Variants in RAB23 observed in about 807,000 individuals in gnomAD.
The protein encoded by RAB23 is RAB23, member RAS oncogene family, also known as ras-related protein Rab-23.
Under a neutral mutation model 30.0 loss-of-function variants are expected in RAB23, and 15 were observed. The observed-to-expected ratio is 0.50, with a 90% CI of 0.33 to 0.77. The LOEUF is 0.77. RAB23 is among the 30% of genes least tolerant of loss of function. The probability of loss-of-function intolerance (pLI) is 0.02; values close to 1 mark genes in which losing one functional copy is unlikely to be tolerated. For missense variants in RAB23, 243 were observed against 275.4 expected (o/e 0.88, Z 0.83); for synonymous variants, 93 against 94.0 (o/e 0.99, Z 0.06).
chr6:57,200,034 C>T (rs996846751), intron 3 of RAB23, among the ~76,000 whole-genome samples: 1 of 151,960 alleles, frequency 6.6e-6, no homozygotes, highest in Non-Finnish European at 1.5e-5. Flanking sequence ...CCTTACCCTC[C>T]ACCCTTTTTT....
At chr6:57,198,223 C>T (rs1330736667) in intron 3 of RAB23, among the ~76,000 whole-genome samples, 1 of 152,164 alleles carries the variant, frequency 6.6e-6, no homozygotes, top group Non-Finnish European at 1.5e-5. Context: ...CTTATATTTA[C>T]TTGAGCTGTA....
chr6:57,217,634 A>G (rs1026591068), intron 1 of RAB23, among the ~76,000 whole-genome samples: 1 of 152,190 alleles, frequency 6.6e-6, no homozygotes, highest in Non-Finnish European at 1.5e-5. Context: ...AGAGCGCTAA[A>G]TGCTTACTTT....
intron 1 of RAB23, among the ~76,000 whole-genome samples, chr6:57,212,460 C>G (rs890850651): frequency 1.3e-5 from 2 of 152,144 alleles, no homozygotes; most frequent in Non-Finnish European, 2.9e-5. Flanking sequence ...CATCTTGATA[C>G]TTACTTCCTG....
At chr6:57,210,179 A>G (rs1316094692) in intron 2 of RAB23, 47 bp downstream of exon 2, 1 of 1,582,988 alleles carries the variant, frequency 6.3e-7, no homozygotes, top group Non-Finnish European at 8.7e-7. Flanking sequence ...AGTCTTGGAT[A>G]TAGTTCACAA....
rs1388740675 is a variant in RAB23, at chr6:57,205,754, T to C, written c.241+1874A>G. On this transcript the variant is annotated intron_variant, in intron 3 of 6. Transcript: ENST00000468148. ...GAAGTACAAGTGAGGAATCAGCAGATGATGCTGGACAGACGAGGGGAAACA... is the reference window on the plus strand; with the variant it reads ...GAAGTACAAGTGAGGAATCAGCAGACGATGCTGGACAGACGAGGGGAAACA... Among the ~76,000 whole-genome samples the C allele has an allele frequency of 3.3e-5, 5 of 152,298 alleles. No individual in the cohort carries two copies. In the East Asian group the frequency reaches 9.6e-4, roughly 29 times the overall value.
At chr6:57,204,972 A>G (rs1765398846) in intron 3 of RAB23, among the ~76,000 whole-genome samples, 1 of 151,748 alleles carries the variant, frequency 6.6e-6, no homozygotes, top group Non-Finnish European at 1.5e-5. Context: ...ATATACACAT[A>G]CACATACATA....
intron 3 of RAB23, among the ~76,000 whole-genome samples, chr6:57,196,965 G>T (rs1378916295): frequency 6.6e-6 from 1 of 152,100 alleles, no homozygotes; most frequent in African/African-American, 2.4e-5. Context: ...CATTATAAAA[G>T]CTAGAGAGAA....
Position 57,188,548 on chromosome 6 carries a change from A to AAAG in RAB23, c.*1910_*1912dup, listed in dbSNP as rs1267651926. Reference sequence around the variant, plus strand: ...ATAAAGACAAAAGACTATTTGTTGCAAAGTATTATTTTGTGCAAAAATTAA... The same window carrying AAAG: ...ATAAAGACAAAAGACTATTTGTTGCAAAGAAGTATTATTTTGTGCAAAAATTAA... On this transcript the variant is annotated 3_prime_UTR_variant, in exon 7 of 7. Transcript: ENST00000468148. 4 of 152,156 alleles carry AAAG rather than the reference A, an allele frequency of 2.6e-5. No homozygotes were observed. The highest frequency in any genetic ancestry group is 5.9e-5 in the Non-Finnish European group (4 of 68,008). 9.4% of individuals were successfully genotyped at this position (152,156 alleles called of 1,614,324 possible). A position where few individuals can be genotyped will look rare whatever the true frequency, so the allele number is the denominator to read the frequency against.
At chr6:57,211,417 G>A (rs943426942) in intron 1 of RAB23, among the ~76,000 whole-genome samples, 2 of 152,070 alleles carry the variant, frequency 1.3e-5, no homozygotes, top group South Asian at 2.1e-4. Flanking sequence ...CTATGGTCAC[G>A]CCACTGTACT....
intron 3 of RAB23, among the ~76,000 whole-genome samples, chr6:57,198,911 C>G (rs565049325): frequency 6.6e-6 from 1 of 152,198 alleles, no homozygotes; most frequent in East Asian, 1.9e-4. Context: ...TTAAGAAAAG[C>G]TCAACATTAT....
At chr6:57,218,458 A>G (rs1055355893) in intron 1 of RAB23, among the ~76,000 whole-genome samples, 1 of 152,272 alleles carries the variant, frequency 6.6e-6, no homozygotes, top group African/African-American at 2.4e-5. Flanking sequence ...AAAACACAAC[A>G]TAGTATCAAT....
intron 1 of RAB23, among the ~76,000 whole-genome samples, chr6:57,216,910 G>A (rs1765862240): frequency 6.6e-6 from 1 of 152,176 alleles, no homozygotes; most frequent in Admixed American, 6.5e-5. Context: ...AGCATATAAT[G>A]AGCAGTGAGG....
chr6:57,193,690 A>G, intron 6 of RAB23, 152 bp downstream of exon 6: 2 of 1,107,972 alleles, frequency 1.8e-6, no homozygotes, highest in Non-Finnish European at 2.5e-6. Context: ...CATTAACACA[A>G]TATACCTTTT....
chr6:57,194,071 T>G, intron 5 of RAB23, 137 bp from the exon 6 acceptor site: 2 of 1,331,416 alleles, frequency 1.5e-6, no homozygotes, highest in Non-Finnish European at 2.0e-6. Context: ...TAGTTAAAAA[T>G]TCAACTTTTA....
intron 1 of RAB23, among the ~76,000 whole-genome samples, chr6:57,210,726 C>T (rs2128004401): frequency 6.6e-6 from 1 of 152,218 alleles, no homozygotes; most frequent in East Asian, 1.9e-4. Context: ...GATTTGATGC[C>T]TGATTATTTA....
At chr6:57,196,267 A>C (rs189126133) in intron 4 of RAB23, among the ~76,000 whole-genome samples, 183 bp downstream of exon 4, 63 of 152,356 alleles carry the variant, frequency 4.1e-4, no homozygotes, top group South Asian at 3.3e-3. Flanking sequence ...TGAATTTTTT[A>C]ACCCAAACCA....
intron 1 of RAB23, among the ~76,000 whole-genome samples, chr6:57,211,558 C>T (rs1765653826): frequency 6.6e-6 from 1 of 152,150 alleles, no homozygotes; most frequent in South Asian, 2.1e-4. Context: ...TGCTTTTCAA[C>T]CTCACAGGTA....
intron 6 of RAB23, among the ~76,000 whole-genome samples, chr6:57,192,415 CAA>C (rs1182838951): frequency 2.0e-5 from 3 of 152,094 alleles, no homozygotes; most frequent in South Asian, 4.1e-4. Flanking sequence ...TGTAATAAGA[CAA>C]GACAGTAAAC....
At chr6:57,196,373 G>A (rs543863790) in intron 4 of RAB23, 77 bp downstream of exon 4, 10 of 1,557,010 alleles carry the variant, frequency 6.4e-6, no homozygotes, top group African/African-American at 1.4e-5. Context: ...CCTAGAACCT[G>A]TAAAACTATG....
Sources: gnomAD v4.1 joint callset for allele counts (sites outside exome capture counted in the v4.1 genomes callset) on GRCh38, gnomAD v4.1.1 for gene constraint, MANE v1.5 for transcripts, NCBI Gene and HGNC (gene_info 2026-07-23, HGNC 2026-07-21) for gene names.